Variants in IL23R observed in about 807,000 individuals in gnomAD.
The protein encoded by IL23R is interleukin 23 receptor, also known as interleukin-23 receptor.
A neutral mutation model predicts 56.9 loss-of-function variants in IL23R; 34 were observed. The observed-to-expected ratio is 0.60, with a 90% CI of 0.45 to 0.80. IL23R has a LOEUF of 0.80. IL23R is among the 30% of genes least tolerant of loss of function. The pLI is 0.00. For missense variants in IL23R, 635 were observed against 730.0 expected, an observed-to-expected ratio of 0.87 and a Z score of 1.50; for synonymous variants, 230 against 249.2, an observed-to-expected ratio of 0.92 and a Z score of 0.73.
At chr1:67,141,642 C>T (rs1433385531) in intron 1 of IL23R, among the ~76,000 whole-genome samples, 1 of 152,030 alleles carries the variant, frequency 6.6e-6, no homozygotes, top group African/African-American at 2.4e-5. Flanking sequence ...ATCTGCAGTC[C>T]AGCTATTCAG....
chr1:67,182,088 C>T (rs1408056768), intron 3 of IL23R, among the ~76,000 whole-genome samples: 10 of 152,202 alleles, frequency 6.6e-5, no homozygotes, highest in Admixed American at 6.5e-4. Flanking sequence ...CAGGGACCCA[C>T]TTGAGGAGGC....
chr1:67,147,569 A>G (rs12564219), intron 1 of IL23R, among the ~76,000 whole-genome samples: 8,941 of 152,096 alleles, frequency 0.059, 348 homozygotes, highest in African/African-American at 0.12. Flanking sequence ...GCGTGTTGGC[A>G]GGCACCTGTA....
intron 4 of IL23R, among the ~76,000 whole-genome samples, chr1:67,192,385 C>T (rs1364276589): frequency 1.3e-5 from 2 of 152,126 alleles, no homozygotes; most frequent in African/African-American, 4.8e-5. Context: ...CTTTCTTGCC[C>T]TATTTTGTCT....
At chr1:67,194,232 AT>A in intron 4 of IL23R, among the ~76,000 whole-genome samples, 1 of 150,762 alleles carries the variant, frequency 6.6e-6, no homozygotes, top group African/African-American at 2.5e-5. Flanking sequence ...ATCATTGGCC[AT>A]TGGGGATCAT....
chr1:67,232,783 A>G (rs1167350877), intron 7 of IL23R, among the ~76,000 whole-genome samples: 1 of 152,094 alleles, frequency 6.6e-6, no homozygotes, highest in Non-Finnish European at 1.5e-5. Flanking sequence ...TCTCCACCCA[A>G]ATCTCATCTT....
At chr1:67,188,468 T>C (rs957516412) in intron 4 of IL23R, among the ~76,000 whole-genome samples, 3 of 152,240 alleles carry the variant, frequency 2.0e-5, no homozygotes, top group Non-Finnish European at 2.9e-5. Flanking sequence ...GAAGAGTTAT[T>C]TAGCCTTGCT....
At chr1:67,192,583 G>A (rs1647832105) in intron 4 of IL23R, among the ~76,000 whole-genome samples, 1 of 152,046 alleles carries the variant, frequency 6.6e-6, no homozygotes, top group South Asian at 2.1e-4. Context: ...GTCATTCAAG[G>A]TATCTTGAAG....
At chr1:67,138,747 G>A (rs1646606655), upstream of IL23R, among the ~76,000 whole-genome samples, 1 of 152,142 alleles carries the variant, frequency 6.6e-6, no homozygotes, top group Non-Finnish European at 1.5e-5. Context: ...AAAGTTTTGG[G>A]CTTTTTATAT....
chr1:67,228,022 CTTTCTTTCT>C (rs1650795396), intron 7 of IL23R, among the ~76,000 whole-genome samples: 1 of 61,400 alleles, frequency 1.6e-5, no homozygotes, highest in Non-Finnish European at 3.6e-5. Flanking sequence ...TTCTTTCTTC[CTTTCTTTCT>C]TTTCTTTCTT....
intron 3 of IL23R, among the ~76,000 whole-genome samples, chr1:67,180,303 C>T (rs36189746): frequency 2.0e-5 from 3 of 152,042 alleles, no homozygotes; most frequent in Non-Finnish European, 2.9e-5. Context: ...CTGGGTGCTC[C>T]TGTATTGGGT....
At chr1:67,161,811 AGAGATG>A (rs889970396), upstream of IL23R, among the ~76,000 whole-genome samples, 17 of 151,880 alleles carry the variant, frequency 1.1e-4, no homozygotes, top group African/African-American at 3.9e-4. Context: ...TATTTTTAGT[AGAGATG>A]GAGTTTCACC....
rs200410034 is a variant in IL23R at position 67,206,798 on chromosome 1, A to AT, written c.653-103dup. 7.2e-3 allele frequency: 8,215 copies of AT among 1,142,750 alleles called. 30 individuals are homozygous for AT. The highest frequency in any genetic ancestry group is 8.3e-3 in the Non-Finnish European group (6,881 of 827,332). The allele number at this position is 1,142,750 out of a possible 1,614,324, so 70.8% of individuals were successfully genotyped here. On this transcript the variant is annotated intron_variant, in intron 5 of 10. Transcript: ENST00000347310. Reference sequence around the variant, plus strand: ...AATTGTTCATTAGACCATGAATTTTATTTTTTTTTACTTTGAGCTTTCTCA... The same window carrying AT: ...AATTGTTCATTAGACCATGAATTTTATTTTTTTTTTACTTTGAGCTTTCTCA...
intron 1 of IL23R, among the ~76,000 whole-genome samples, chr1:67,150,054 C>A (rs973746117): frequency 3.9e-5 from 6 of 152,038 alleles, no homozygotes; most frequent in Non-Finnish European, 7.4e-5. Context: ...GGGCTCAATC[C>A]TAGAACTTCT....
chr1:67,189,780 A>T (rs1335918188), intron 4 of IL23R, among the ~76,000 whole-genome samples: 1 of 152,146 alleles, frequency 6.6e-6, no homozygotes, highest in Non-Finnish European at 1.5e-5. Context: ...AATACAAAAA[A>T]TATAAAAATT....
At chr1:67,205,949 T>TTTTC (rs1223833918) in intron 5 of IL23R, among the ~76,000 whole-genome samples, 8 of 151,380 alleles carry the variant, frequency 5.3e-5, no homozygotes, top group African/African-American at 1.7e-4. Flanking sequence ...TTCTCTTTTT[T>TTTTC]TTTCTTTCTT....
At chr1:67,218,220 G>A (rs1474562804) in intron 6 of IL23R, among the ~76,000 whole-genome samples, 1 of 151,158 alleles carries the variant, frequency 6.6e-6, no homozygotes, top group Non-Finnish European at 1.5e-5. Context: ...TCCTCCATTG[G>A]ATTTCTCAGT....
chr1:67,237,447 T>C (rs1374128606), intron 8 of IL23R, among the ~76,000 whole-genome samples: 1 of 152,200 alleles, frequency 6.6e-6, no homozygotes, highest in African/African-American at 2.4e-5. Flanking sequence ...TTCTTCAATC[T>C]TTAAAACAAC....
At chr1:67,152,073 A>G (rs2863204) in intron 1 of IL23R, among the ~76,000 whole-genome samples, 72,783 of 152,000 alleles carry the variant, frequency 0.48, 18,107 homozygotes, top group South Asian at 0.63. Context: ...TTTTCACAAT[A>G]TTGATTCTTC....
intron 8 of IL23R, among the ~76,000 whole-genome samples, chr1:67,239,644 T>C (rs998720547): frequency 2.6e-5 from 4 of 152,218 alleles, no homozygotes; most frequent in African/African-American, 9.6e-5. Flanking sequence ...TTATCTTAAC[T>C]TGCCAGTGTA....
Sources: allele counts gnomAD v4.1 joint callset (sites outside exome capture counted in the v4.1 genomes callset), GRCh38; gene constraint gnomAD v4.1.1; transcripts MANE v1.5; gene names NCBI Gene and HGNC (gene_info 2026-07-23, HGNC 2026-07-21).